The following MLIP variants were observed in gnomAD, a reference collection of about 807,000 sequenced individuals.
The protein encoded by MLIP is muscular LMNA-interacting protein.
In MLIP, 79 loss-of-function variants were observed where a neutral mutation model predicts 84.8. The ratio of observed to expected loss-of-function variants is 0.93; its 90% confidence interval spans 0.78 to 1.12. The LOEUF (loss-of-function observed/expected upper bound fraction) is 1.12. MLIP is among the 50% of genes most tolerant of loss of function. MLIP has a pLI of 0.00. For missense variants in MLIP, 1,257 were observed against 1,160.6 expected, an observed-to-expected ratio of 1.08 and a Z score of -1.21; for synonymous variants, 504 against 463.0, an observed-to-expected ratio of 1.09 and a Z score of -1.14.
intron 1 of MLIP, among the ~76,000 whole-genome samples, chr6:54,091,198 C>A (rs758503726): frequency 1.3e-5 from 2 of 152,102 alleles, no homozygotes; most frequent in Non-Finnish European, 2.9e-5. Context: ...GAGTAAACCC[C>A]TGGTTGATGA....
In MLIP at chr6:54,083,668, T is replaced by C. The variant is rs2150360832; in HGVS notation, c.64-37779T>C. ...ATTCCTTGATACTGTCACCCTGTTA[T>C]ACATTTAACATCAATGATAGCTGTG... On this transcript the variant is annotated intron_variant, in intron 1 of 12. Coordinates refer to the MLIP transcript ENST00000274897. 2.0e-6 allele frequency: 3 copies of C among 1,516,660 alleles called. No individual in the cohort carries two copies. In the Middle Eastern group the frequency reaches 5.0e-4, roughly 255 times the overall value. The allele number at this position is 1,516,660 out of a possible 1,614,324, so 94.0% of individuals were successfully genotyped here.
chr6:54,063,729 T>C (rs550903884), intron 1 of MLIP, among the ~76,000 whole-genome samples: 4,368 of 150,872 alleles, frequency 0.029, 199 homozygotes, highest in African/African-American at 0.1. Context: ...GGCGTGTGTG[T>C]GTGTGTGTGT....
chr6:54,032,835 T>A (rs1431971463), intron 1 of MLIP, among the ~76,000 whole-genome samples: 1 of 152,204 alleles, frequency 6.6e-6, no homozygotes, highest in Admixed American at 6.5e-5. Context: ...ATTTTTTGGT[T>A]TCCCATGTGT....
chr6:54,088,423 A>G (rs1767639768), intron 1 of MLIP, among the ~76,000 whole-genome samples: 2 of 152,112 alleles, frequency 1.3e-5, no homozygotes, highest in Non-Finnish European at 2.9e-5. Context: ...AAACGAGGTC[A>G]AAGAGTGTGG....
intron 5 of MLIP, among the ~76,000 whole-genome samples, chr6:54,159,594 C>T (rs1774401302): frequency 6.6e-6 from 1 of 152,020 alleles, no homozygotes; most frequent in Non-Finnish European, 1.5e-5. Flanking sequence ...AGTCCCTTAT[C>T]TGGTCACAAT....
intron 1 of MLIP, among the ~76,000 whole-genome samples, chr6:54,033,841 T>C (rs1764276545): frequency 6.6e-6 from 1 of 152,188 alleles, no homozygotes; most frequent in Non-Finnish European, 1.5e-5. Context: ...CTTGAAAAAT[T>C]GGACTAATGT....
At chr6:54,032,533 TACTC>T (rs1335579859) in intron 1 of MLIP, 3 of 152,006 alleles carry the variant, frequency 2.0e-5, no homozygotes, top group Non-Finnish European at 4.4e-5. Flanking sequence ...GTTTTTATAA[TACTC>T]AAGAAGTAAA....
intron 1 of MLIP, among the ~76,000 whole-genome samples, chr6:54,030,170 A>G (rs1021097766): frequency 4.6e-5 from 7 of 152,186 alleles, no homozygotes; most frequent in African/African-American, 1.7e-4. Context: ...AATTTTATTA[A>G]CTTTTAATTG....
At chr6:54,252,177 CAT>C (rs376252510) in intron 12 of MLIP, among the ~76,000 whole-genome samples, 2 of 77,542 alleles carry the variant, frequency 2.6e-5, no homozygotes, top group Non-Finnish European at 3.9e-5. Flanking sequence ...TATATTATAA[CAT>C]AATATATAAC....
At chr6:54,254,742 C>CCCTT (rs372950271) in intron 12 of MLIP, among the ~76,000 whole-genome samples, 146 of 125,088 alleles carry the variant, frequency 1.2e-3, no homozygotes, top group African/African-American at 2.5e-3. Context: ...TTTTCTCCCT[C>CCCTT]CCTTCCTTCC....
In MLIP at chr6:54,137,546, C is replaced by A. The variant is rs1422845733; in HGVS notation, c.1477C>A (p.Leu493Met). ...TGAATTGACCCAGCAATCTTTTCAC[C>A]TGCCTGTTTTCACCAAGTCTACTCC... ...VSELTQQSFH[L>M]PVFTKSTPLS... Residue 493 changes from leucine to methionine, a missense_variant, in exon 4 of 14, where the codon CTG (leucine) becomes ATG (methionine). Transcript: ENST00000502396. 6 of 1,535,990 alleles carry A rather than the reference C, an allele frequency of 3.9e-6. No individual in the cohort carries two copies. In the South Asian group the frequency reaches 7.1e-5, roughly 18 times the overall value.
At chr6:54,247,769 T>C (rs1230285067) in intron 12 of MLIP, among the ~76,000 whole-genome samples, 2 of 151,972 alleles carry the variant, frequency 1.3e-5, no homozygotes, top group East Asian at 3.9e-4. Flanking sequence ...CCACATACCC[T>C]CTCCCTCCTC....
chr6:54,173,838 T>C (rs1054432011), intron 9 of MLIP, among the ~76,000 whole-genome samples: 5 of 151,524 alleles, frequency 3.3e-5, no homozygotes, highest in Non-Finnish European at 7.4e-5. Context: ...ATTCTTTCTA[T>C]TTTTTTTGTA....
intron 12 of MLIP, among the ~76,000 whole-genome samples, chr6:54,238,743 T>C (rs1019854533): frequency 3.3e-5 from 5 of 152,218 alleles, no homozygotes; most frequent in African/African-American, 1.2e-4. Context: ...AAATAGGATC[T>C]TTATAGGCAG....
At chr6:54,133,088 T>C (rs1226277591) in intron 3 of MLIP, among the ~76,000 whole-genome samples, 1 of 152,014 alleles carries the variant, frequency 6.6e-6, no homozygotes, top group Non-Finnish European at 1.5e-5. Flanking sequence ...AAAGTATTAC[T>C]GAAACTTAAA....
At chr6:54,063,216 A>AG (rs1422650806) in intron 1 of MLIP, 3 of 151,892 alleles carry the variant, frequency 2.0e-5, no homozygotes, top group Non-Finnish European at 4.4e-5. Flanking sequence ...AAAAAAAAAA[A>AG]AAAGAAAAAG....
chr6:54,224,648 T>C (rs1562078647), intron 11 of MLIP, among the ~76,000 whole-genome samples: 1 of 152,106 alleles, frequency 6.6e-6, no homozygotes, highest in East Asian at 1.9e-4. Context: ...GTAAGTTCTT[T>C]AGTGGTGATT....
chr6:54,103,605 T>C (rs1768804876), intron 1 of MLIP, among the ~76,000 whole-genome samples: 1 of 152,204 alleles, frequency 6.6e-6, no homozygotes, highest in Non-Finnish European at 1.5e-5. Context: ...TGTTCCTCTC[T>C]ATGTAATTCT....
intron 12 of MLIP, among the ~76,000 whole-genome samples, chr6:54,251,933 T>C (rs1163079453): frequency 2.5e-5 from 2 of 79,626 alleles, no homozygotes; most frequent in South Asian, 7.9e-4. Flanking sequence ...AAATATATAT[T>C]ATAACATATA....
Sources: gnomAD v4.1 joint callset for allele counts (sites outside exome capture counted in the v4.1 genomes callset) on GRCh38, gnomAD v4.1.1 for gene constraint, MANE v1.5 for transcripts, NCBI Gene and HGNC (gene_info 2026-07-23, HGNC 2026-07-21) for gene names.